Variants in CEP128 observed in about 807,000 individuals in gnomAD.
CEP128 encodes centrosomal protein 128kDa.
CEP128 carries 132 observed loss-of-function variants against 156.7 expected under a neutral mutation model. That is an observed-to-expected ratio of 0.84 (90% CI 0.73 to 0.97). The LOEUF (loss-of-function observed/expected upper bound fraction) is 0.97, where lower values mean the gene tolerates loss of function less well. Among genes scored for constraint, CEP128 ranks in the 50% least tolerant of loss-of-function variants. The probability of loss-of-function intolerance (pLI) is 0.00; values close to 1 mark genes in which losing one functional copy is unlikely to be tolerated. For synonymous variants in CEP128, 469 were observed against 448.9 expected, an observed-to-expected ratio of 1.04 and a Z score of -0.57; for missense variants, 1,252 against 1,281.9, an observed-to-expected ratio of 0.98 and a Z score of 0.36.
chr14:80,561,195 T>G (rs555085305), intron 20 of CEP128, among the ~76,000 whole-genome samples: 1 of 152,332 alleles, frequency 6.6e-6, no homozygotes, highest in African/African-American at 2.4e-5. Context: ...TGGGCATGAG[T>G]TAAATGAATA....
chr14:80,506,317 T>C (rs1438974959), intron 23 of CEP128, among the ~76,000 whole-genome samples: 1 of 142,864 alleles, frequency 7.0e-6, no homozygotes, highest in African/African-American at 2.5e-5. Flanking sequence ...TCCAGGGCCA[T>C]GCTCAGGATT....
At chr14:80,551,533 T>C (rs1290055659) in intron 21 of CEP128, among the ~76,000 whole-genome samples, 1 of 152,158 alleles carries the variant, frequency 6.6e-6, no homozygotes, top group Non-Finnish European at 1.5e-5. Flanking sequence ...AGTGGAATGG[T>C]GTTAATGTGT....
At chr14:80,811,701 G>A (rs956878324) in intron 13 of CEP128, among the ~76,000 whole-genome samples, 4 of 133,048 alleles carry the variant, frequency 3.0e-5, no homozygotes, top group African/African-American at 1.7e-4. Flanking sequence ...GTGTGTGTGT[G>A]TGTTTGAGAG....
chr14:80,599,106 C>A (rs975954109), intron 19 of CEP128, among the ~76,000 whole-genome samples: 1 of 152,068 alleles, frequency 6.6e-6, no homozygotes, highest in Non-Finnish European at 1.5e-5. Context: ...ACAATAACAT[C>A]ACAAGTTTAA....
chr14:80,581,124 T>A (rs1248971764), intron 19 of CEP128, among the ~76,000 whole-genome samples: 2 of 152,194 alleles, frequency 1.3e-5, no homozygotes. Flanking sequence ...TACATTAATT[T>A]ATGAACTTGC....
At chr14:80,494,026 G>A (rs574552961), downstream of CEP128, among the ~76,000 whole-genome samples, 8 of 152,238 alleles carry the variant, frequency 5.3e-5, no homozygotes, top group South Asian at 2.1e-4. Context: ...TAGATGTGTC[G>A]TGTTTTGTAA....
Position 80,916,522 on chromosome 14 carries a change from T to C in CEP128, c.26A>G (p.Asp9Gly). 1.2e-6 allele frequency: 2 copies of C among 1,614,014 alleles called. No homozygotes were observed. Among genetic ancestry groups the C allele is most frequent in the South Asian group, 1.1e-5 (1 of 91,062 alleles). ...CAATCGGTCACGACAGCGGAAGTGA[T>C]CTGATTCGCTGGATGATTCTGCCAT... MAESSSESDHFRCRDRLSP... is the reference protein window; with the variant it reads MAESSSESGHFRCRDRLSP... Residue 9 changes from aspartate to glycine, a missense_variant, in exon 3 of 25, where the codon GAT becomes GGT. Coordinates refer to ENST00000555265, the MANE Select transcript of CEP128 (RefSeq NM_152446.5).
chr14:80,907,075 T>G (rs1883925063), intron 4 of CEP128, among the ~76,000 whole-genome samples: 1 of 152,106 alleles, frequency 6.6e-6, no homozygotes, highest in Non-Finnish European at 1.5e-5. Context: ...TTGCTTTACT[T>G]GGTGAAATGA....
chr14:80,787,329 C>T (rs1468502055), intron 14 of CEP128, among the ~76,000 whole-genome samples: 1 of 152,044 alleles, frequency 6.6e-6, no homozygotes, highest in Non-Finnish European at 1.5e-5. Flanking sequence ...TTTTGGTCAG[C>T]GATTATTCTG....
intron 14 of CEP128, among the ~76,000 whole-genome samples, chr14:80,482,297 C>A (rs1887070420): frequency 6.6e-6 from 1 of 152,196 alleles, no homozygotes; most frequent in South Asian, 2.1e-4. Context: ...AAACAAAAGT[C>A]ACTGATGTTA....
At chr14:80,935,641 C>A (rs1368167806) in intron 2 of CEP128, among the ~76,000 whole-genome samples, 5 of 67,302 alleles carry the variant, frequency 7.4e-5, no homozygotes, top group African/African-American at 3.1e-4. Context: ...TATGAGTCCC[C>A]CCACCAAAAA....
At chr14:80,736,380 GC>G (rs1362075589) in intron 19 of CEP128, among the ~76,000 whole-genome samples, 1 of 152,036 alleles carries the variant, frequency 6.6e-6, no homozygotes, top group Non-Finnish European at 1.5e-5. Flanking sequence ...CCCTAAGTGT[GC>G]TCATGATTCA....
intron 4 of CEP128, among the ~76,000 whole-genome samples, chr14:80,913,398 T>C (rs993928487): frequency 2.0e-5 from 3 of 152,364 alleles, no homozygotes; most frequent in African/African-American, 4.8e-5. Flanking sequence ...TAAAACGTTG[T>C]ATAACATTAT....
chr14:80,663,316 G>C (rs908434070), intron 19 of CEP128, among the ~76,000 whole-genome samples: 3 of 152,120 alleles, frequency 2.0e-5, no homozygotes, highest in Non-Finnish European at 2.9e-5. Flanking sequence ...CAATAGGATG[G>C]AGGCTAATGT....
Position 80,916,475 on chromosome 14 carries a change from T to C in CEP128, c.73A>G (p.Thr25Ala). ...DRLSPWAARS[T>A]HRGTRSLPTV... is the part of the protein sequence containing the mutation. ...GGAAGACTTCGAGTTCCCCTGTGCG[T>C]TGATCTGGCAGCCCATGGACTCAAT... The change falls in exon 3 of 25, where the codon ACG (threonine) becomes GCG (alanine). Residue 25 changes from threonine (T) to alanine (A), a missense_variant. Physicochemically the swap from Thr to Ala is moderately conservative, Grantham distance 58. Coordinates refer to ENST00000555265, the MANE Select transcript of CEP128 (RefSeq NM_152446.5). The C allele has an allele frequency of 1.2e-6, 2 of 1,614,130 alleles. No individual in the cohort carries two copies. The highest frequency in any genetic ancestry group is 1.1e-5 in the South Asian group (1 of 91,076).
At chr14:80,519,773 T>G (rs1010148461) in intron 23 of CEP128, among the ~76,000 whole-genome samples, 1 of 152,204 alleles carries the variant, frequency 6.6e-6, no homozygotes, top group Non-Finnish European at 1.5e-5. Context: ...TACCCATCTT[T>G]CCATCTACTC....
intron 21 of CEP128, among the ~76,000 whole-genome samples, chr14:80,538,200 C>G (rs763480041): frequency 1.3e-5 from 2 of 151,662 alleles, no homozygotes; most frequent in African/African-American, 2.4e-5. Context: ...CTAGTAACTT[C>G]TAAAACGTGA....
intron 19 of CEP128, among the ~76,000 whole-genome samples, chr14:80,684,068 G>T (rs879939820): frequency 2.4e-4 from 37 of 152,160 alleles, no homozygotes; most frequent in African/African-American, 8.9e-4. Flanking sequence ...CCCAAAGCCA[G>T]CAGAGAAAAA....
chr14:80,717,625 C>G (rs2139442337), intron 19 of CEP128, among the ~76,000 whole-genome samples: 1 of 152,038 alleles, frequency 6.6e-6, no homozygotes, highest in Non-Finnish European at 1.5e-5. Flanking sequence ...TAAAAAAAAA[C>G]TTGAGATATT....
Sources: allele counts gnomAD v4.1 joint callset (sites outside exome capture counted in the v4.1 genomes callset), GRCh38; gene constraint gnomAD v4.1.1; transcripts MANE v1.5; gene names NCBI Gene and HGNC (gene_info 2026-07-23, HGNC 2026-07-21).